The following SCAP variants were observed in gnomAD, a reference collection of about 807,000 sequenced individuals.
The protein encoded by SCAP is SREBF chaperone, also known as sterol regulatory element-binding protein cleavage-activating protein.
A neutral mutation model predicts 123.6 loss-of-function variants in SCAP; 65 were observed. The ratio of observed to expected loss-of-function variants is 0.53; its 90% CI spans 0.43 to 0.65. The LOEUF is 0.65. Ranked by LOEUF, SCAP falls within the 30% of genes least tolerant of loss-of-function variation. SCAP has a pLI of 0.00. For missense variants in SCAP, 1,398 were observed against 1,712.5 expected, an observed-to-expected ratio of 0.82 and a Z score of 3.24; for synonymous variants, 740 against 726.3, an observed-to-expected ratio of 1.02 and a Z score of -0.30.
chr3:47,457,933 C>T lies in SCAP; in HGVS notation c.-98-14842G>A, dbSNP rs545336198. 4.6e-5 allele frequency among the ~76,000 whole-genome samples: 7 copies of T among 152,000 alleles called. No homozygotes were observed. In the South Asian group the frequency reaches 1.0e-3, roughly 23 times the overall value. On this transcript the variant is annotated intron_variant, in intron 1 of 22. Transcript: ENST00000265565. ...AAATAAATAAATAAAAAGAAAATTG[C>T]TTCTCTAAGCTTCAAAATTAGCCAG...
At chr3:47,433,415 C>A (rs1395552994) in intron 3 of SCAP, among the ~76,000 whole-genome samples, 1 of 152,140 alleles carries the variant, frequency 6.6e-6, no homozygotes, top group Non-Finnish European at 1.5e-5. Context: ...TTATTCTGCA[C>A]CAACACTTTC....
intron 1 of SCAP, 73 bp from the exon 2 acceptor site, chr3:47,443,164 G>A (rs879661378): frequency 2.1e-5 from 25 of 1,219,278 alleles, no homozygotes; most frequent in Non-Finnish European, 2.2e-5. Flanking sequence ...GGAGGGAGGC[G>A]ATAGTTATGT....
At chr3:47,457,436 G>A (rs1320148753) in intron 1 of SCAP, among the ~76,000 whole-genome samples, 3 of 152,146 alleles carry the variant, frequency 2.0e-5, no homozygotes, top group Non-Finnish European at 4.4e-5. Flanking sequence ...TTCAGGAGAA[G>A]GGAATAACTG....
chr3:47,461,253 C>T (rs570686632), intron 1 of SCAP, among the ~76,000 whole-genome samples: 1 of 152,342 alleles, frequency 6.6e-6, no homozygotes, highest in African/African-American at 2.4e-5. Context: ...CAAATCACAT[C>T]TACATGGTGC....
chr3:47,434,971 G>C (rs375418289), intron 3 of SCAP, 37 bp downstream of exon 3: 1 of 1,613,666 alleles, frequency 6.2e-7, no homozygotes, highest in Admixed American at 1.7e-5. Flanking sequence ...TCCACCCAAC[G>C]CTCTGTGCTG....
In SCAP at chr3:47,422,530, C is replaced by A; in HGVS notation, c.1157G>T (p.Ser386Ile). ...EVKLRIAQGL[S>I]SESWSIMKNM... ...CTTCATGATGGACCAGCTCTCGCTGCTTAGGCCTGCAGAGGGCAGCAACAG... is the reference window on the plus strand; with the variant it reads ...CTTCATGATGGACCAGCTCTCGCTGATTAGGCCTGCAGAGGGCAGCAACAG... Residue 386 changes from serine to isoleucine, a missense_variant, in exon 10 of 23, where the codon AGC (serine) becomes ATC (isoleucine). Physicochemically the swap from Ser to Ile is moderately radical, Grantham distance 142. Around this residue, in one of 7 missense-constraint regions of SCAP, gnomAD observed 66 missense variants for 116.3 expected, o/e 0.57. Transcript: ENST00000265565. The A allele has an allele frequency of 6.2e-7, 1 of 1,612,190 alleles. No individual in the cohort carries two copies. Among genetic ancestry groups the A allele is most frequent in the South Asian group, 1.1e-5 (1 of 90,940 alleles).
chr3:47,415,060 A>G, intron 19 of SCAP, 38 bp downstream of exon 19: 1 of 1,584,240 alleles, frequency 6.3e-7, no homozygotes, highest in Non-Finnish European at 8.6e-7. Context: ...TGCCCGTCCC[A>G]CCAAGTGTGA....
intron 1 of SCAP, chr3:47,443,308 T>TC (rs1706894665): frequency 1.8e-5 from 3 of 167,686 alleles, no homozygotes; most frequent in East Asian, 1.8e-4. Context: ...TCTCTCTCTC[T>TC]CTCCCTCCCC....
intron 1 of SCAP, among the ~76,000 whole-genome samples, chr3:47,473,960 G>A (rs1708167469): frequency 6.6e-6 from 1 of 152,148 alleles, no homozygotes; most frequent in African/African-American, 2.4e-5. Flanking sequence ...TGCCGCAACA[G>A]CAAAAGAAAA....
rs749769930 is a variant in SCAP, at chr3:47,418,409, C to T, written c.2243G>A (p.Arg748Gln). 1.3e-5 allele frequency: 21 copies of T among 1,576,482 alleles called. No individual in the cohort carries two copies. The highest frequency in any genetic ancestry group is 6.9e-5 in the South Asian group (6 of 86,994). ...YGQLGGGPGRRRRGELPCDDY... is the reference protein window; with the variant it reads ...YGQLGGGPGRQRRGELPCDDY... ...GTCGCAGGGCAGCTCCCCGCGCCTC[C>T]GCCGCCCGGGCCCACCACCCAGCTG... Residue 748 changes from arginine to glutamine, a missense_variant, in exon 15 of 23, where the codon CGG becomes CAG. Physicochemically the swap from Arg to Gln is conservative, Grantham distance 43 (BLOSUM62 1). Transcript: ENST00000265565.
chr3:47,472,226 G>A (rs1196175176), intron 1 of SCAP, among the ~76,000 whole-genome samples: 1 of 151,754 alleles, frequency 6.6e-6, no homozygotes, highest in Non-Finnish European at 1.5e-5. Flanking sequence ...GAGGTCAGGA[G>A]ATCGAGACCA....
At chr3:47,427,051 C>T (rs1706163959) in intron 6 of SCAP, 106 bp downstream of exon 6, 2 of 778,422 alleles carry the variant, frequency 2.6e-6, no homozygotes, top group Admixed American at 2.2e-5. Flanking sequence ...GAAACTCTCC[C>T]AAGTTTCCAG....
At position 47,465,503 on chromosome 3, in the gene SCAP, A is replaced by G. The variant is rs1055793746; in HGVS notation, c.-99+10296T>C. Among the ~76,000 whole-genome samples the G allele has an allele frequency of 2.6e-5, 4 of 152,214 alleles. No homozygotes were observed. The South Asian group carries it at 6.2e-4, about 24-fold the overall frequency. On this transcript the variant is annotated intron_variant, in intron 1 of 22. Coordinates refer to ENST00000265565, the MANE Select transcript of SCAP (RefSeq NM_012235.4). ...AACAGCTGGCCAGGCACGGTGGCCC[A>G]TGCCTGTAAACCCAGCACTTTGGGA...
chr3:47,413,871 G>A lies in SCAP; in HGVS notation c.3823C>T (p.Leu1275=), dbSNP rs993413484. The A allele has an allele frequency of 3.7e-6, 6 of 1,612,776 alleles. No homozygotes were observed. The highest frequency in any genetic ancestry group is 1.7e-4 in the Middle Eastern group (1 of 6,034). ...CCCTGCGCTCAGTCCAGCTTCTCCA[G>A]CACAGAGGGCACATACACCAGGCTG... The part of the protein sequence containing the change: ...ELSLVYVPSV[L]EKLD Residue 1275 remains leucine (L), a synonymous_variant, in exon 23 of 23, where the codon CTG becomes TTG. Transcript: ENST00000265565.
At chr3:47,428,245 T>G (rs1014577418) in intron 4 of SCAP, among the ~76,000 whole-genome samples, 1 of 152,100 alleles carries the variant, frequency 6.6e-6, no homozygotes, top group African/African-American at 2.4e-5. Flanking sequence ...ATGTGGGTCA[T>G]GAGTTAGCAC....
At chr3:47,473,941 G>A (rs1393467916) in intron 1 of SCAP, among the ~76,000 whole-genome samples, 1 of 152,150 alleles carries the variant, frequency 6.6e-6, no homozygotes, top group Non-Finnish European at 1.5e-5. Flanking sequence ...TCTAGAGAGG[G>A]GGCGTTTTTG....
chr3:47,468,527 T>A (rs1023495581), intron 1 of SCAP, among the ~76,000 whole-genome samples: 3 of 152,232 alleles, frequency 2.0e-5, no homozygotes, highest in Non-Finnish European at 4.4e-5. Flanking sequence ...TTTTGAGAAG[T>A]GTCTGTTCAT....
chr3:47,427,966 A>T (rs1427816709), intron 4 of SCAP, among the ~76,000 whole-genome samples: 2 of 152,166 alleles, frequency 1.3e-5, no homozygotes, highest in African/African-American at 4.8e-5. Context: ...TGGCCAGTTC[A>T]GTGGATGAGC....
rs922588557 is a variant in SCAP, at chr3:47,418,399, C to A, written c.2253G>T (p.Gly751=). 24 of 1,575,144 alleles carry A rather than the reference C, an allele frequency of 1.5e-5. No homozygotes were observed. Among genetic ancestry groups the A allele is most frequent in the African/African-American group, 5.4e-5 (4 of 74,192 alleles). The stretch of plus-strand genomic sequence containing the variant: ...AGCCGTAGTCGTCGCAGGGCAGCTC[C>A]CCGCGCCTCCGCCGCCCGGGCCCAC... ...LGGGPGRRRR[G]ELPCDDYGYA... The change falls in exon 15 of 23, where the codon GGG becomes GGT. Residue 751 remains glycine, a synonymous_variant. Transcript: ENST00000265565.
Sources: allele counts gnomAD v4.1 joint callset (sites outside exome capture counted in the v4.1 genomes callset), GRCh38; gene constraint gnomAD v4.1.1; regional missense constraint gnomAD v4.1.1; transcripts MANE v1.5; gene names NCBI Gene and HGNC (gene_info 2026-07-23, HGNC 2026-07-21).